LYRM4: variants seen among roughly 807,000 people sequenced by gnomAD.
LYRM4 encodes LYR motif-containing protein 4.
In LYRM4, 9 loss-of-function variants were observed where a neutral mutation model predicts 11.7. That is an observed-to-expected ratio of 0.77 (90% CI 0.46 to 1.34). The LOEUF is 1.34. Among genes scored for constraint, LYRM4 ranks in the 40% most tolerant of loss-of-function variants. The probability of loss-of-function intolerance (pLI) is 0.00; values close to 1 mark genes in which losing one functional copy is unlikely to be tolerated. For missense variants in LYRM4, 133 were observed against 112.5 expected (o/e 1.18, Z -0.82); for synonymous variants, 42 against 40.4 (o/e 1.04, Z -0.15).
At chr6:5,063,954 C>T in the LYRM4 span, among the ~76,000 whole-genome samples, 1 of 152,204 alleles carries the variant, frequency 6.6e-6, no homozygotes. Context: ...AGGCCAGGGG[C>T]AGTGGCTCCG....
At chr6:5,197,287 G>C (rs955699287) in intron 2 of LYRM4, among the ~76,000 whole-genome samples, 2 of 152,224 alleles carry the variant, frequency 1.3e-5, no homozygotes, top group East Asian at 1.9e-4. Flanking sequence ...TGAAGGGGGG[G>C]GCCAAGTGCC....
chr6:5,132,245 C>T (rs1332589703), intron 2 of LYRM4, among the ~76,000 whole-genome samples: 1 of 152,124 alleles, frequency 6.6e-6, no homozygotes, highest in Non-Finnish European at 1.5e-5. Flanking sequence ...AGTTTCTCAC[C>T]GTTTTTACCC....
At chr6:5,205,021 T>C (rs1761611004) in intron 2 of LYRM4, among the ~76,000 whole-genome samples, 1 of 152,168 alleles carries the variant, frequency 6.6e-6, no homozygotes. Context: ...CTTATTATAT[T>C]AGGCATTAAT....
the LYRM4 span, among the ~76,000 whole-genome samples, chr6:5,057,304 C>G: frequency 6.6e-6 from 1 of 152,148 alleles, no homozygotes; most frequent in South Asian, 2.1e-4. Context: ...GAAGGGGGAG[C>G]TCAAGGCCTT....
intron 2 of LYRM4, among the ~76,000 whole-genome samples, chr6:5,172,556 C>T (rs1396551078): frequency 1.3e-5 from 2 of 152,118 alleles, no homozygotes; most frequent in Non-Finnish European, 2.9e-5. Context: ...CGTGTTCTCA[C>T]ATCCTGGACC....
intron 1 of LYRM4, among the ~76,000 whole-genome samples, chr6:5,242,551 A>G (rs888187386): frequency 1.3e-5 from 2 of 150,610 alleles, no homozygotes; most frequent in African/African-American, 4.9e-5. Context: ...AAAACCCCCA[A>G]CTCTATTAAA....
At chr6:5,086,756 C>T in the LYRM4 span, 4 of 591,844 alleles carry the variant, frequency 6.8e-6, no homozygotes, top group Non-Finnish European at 1.2e-5. Flanking sequence ...TTAGAGAGCC[C>T]GGGCAATGCT....
rs187734468 is a variant in LYRM4 at position 5,223,001 on chromosome 6, G to C, written c.87-6263C>G. The stretch of plus-strand genomic sequence containing the variant: ...TGCATGGGTAATTAAATTTATAATG[G>C]AAGGAAATGTCCCAGAAGTGATTAT... On this transcript the variant is annotated intron_variant, in intron 1 of 2. Coordinates refer to ENST00000330636, the MANE Select transcript of LYRM4 (RefSeq NM_020408.6). Among the ~76,000 whole-genome samples the C allele has an allele frequency of 3.3e-5, 5 of 152,266 alleles. No homozygotes were observed. In the East Asian group the frequency reaches 9.6e-4, roughly 29 times the overall value.
intron 2 of LYRM4, among the ~76,000 whole-genome samples, chr6:5,167,673 A>G (rs558698382): frequency 2.0e-5 from 3 of 152,276 alleles, no homozygotes; most frequent in Non-Finnish European, 4.4e-5. Context: ...TTCACACACA[A>G]ACAATGCTGA....
rs151065545 is a variant in LYRM4 at position 5,125,259 on chromosome 6, G to A, written c.208-15768C>T. 6.5e-3 allele frequency among the ~76,000 whole-genome samples: 996 copies of A among 152,226 alleles called. 1 individual carries two copies. Among genetic ancestry groups the A allele is most frequent in the Middle Eastern group, 0.024 (7 of 294 alleles). On this transcript the variant is annotated intron_variant, in intron 2 of 2. Coordinates refer to ENST00000330636, the MANE Select transcript of LYRM4 (RefSeq NM_020408.6). The stretch of plus-strand genomic sequence containing the variant: ...GGTTTCTAGGATGGCTCACTCCTAC[G>A]GAATCCTCATTCCCTGGCTGGGTGC...
chr6:5,153,958 T>C (rs987545073), intron 2 of LYRM4, among the ~76,000 whole-genome samples: 4 of 152,146 alleles, frequency 2.6e-5, no homozygotes, highest in African/African-American at 9.7e-5. Context: ...ATATATGGAA[T>C]GCTCTGATTG....
At chr6:5,074,570 G>T in the LYRM4 span, among the ~76,000 whole-genome samples, 1,024 of 151,876 alleles carry the variant, frequency 6.7e-3, 16 homozygotes, top group African/African-American at 0.023. Context: ...CTGTGACTGG[G>T]TTGTGGCAAT....
At chr6:5,198,925 C>A (rs1761227051) in intron 2 of LYRM4, among the ~76,000 whole-genome samples, 1 of 152,122 alleles carries the variant, frequency 6.6e-6, no homozygotes, top group Non-Finnish European at 1.5e-5. Flanking sequence ...AAGAATGGGG[C>A]AAAATTAGAA....
At chr6:5,179,207 T>C (rs1346790008) in intron 2 of LYRM4, among the ~76,000 whole-genome samples, 1 of 152,208 alleles carries the variant, frequency 6.6e-6, no homozygotes, top group Non-Finnish European at 1.5e-5. Flanking sequence ...AAAGCCCTTT[T>C]CCAGAAGGAC....
At chr6:5,059,796 T>C in the LYRM4 span, among the ~76,000 whole-genome samples, 1 of 150,602 alleles carries the variant, frequency 6.6e-6, no homozygotes, top group African/African-American at 2.4e-5. Flanking sequence ...CTCCTGTTAA[T>C]CTGCCTTTTT....
At chr6:5,206,098 T>C (rs564671430) in intron 2 of LYRM4, among the ~76,000 whole-genome samples, 101 of 152,324 alleles carry the variant, frequency 6.6e-4, no homozygotes, top group African/African-American at 2.3e-3. Context: ...TTTCCCTTTA[T>C]AGTCAGTTCA....
intron 2 of LYRM4, among the ~76,000 whole-genome samples, chr6:5,159,717 C>A (rs929100432): frequency 1.2e-4 from 18 of 152,184 alleles, no homozygotes; most frequent in African/African-American, 4.3e-4. Flanking sequence ...CTATCTTTTA[C>A]AATCTACCTC....
chr6:5,061,697 C>G, the LYRM4 span, among the ~76,000 whole-genome samples: 24 of 152,298 alleles, frequency 1.6e-4, no homozygotes, highest in South Asian at 1.7e-3. Context: ...CCCAGAGACT[C>G]TGGCAACAGG....
chr6:5,240,987 T>C (rs891338301), intron 1 of LYRM4, among the ~76,000 whole-genome samples: 1 of 152,228 alleles, frequency 6.6e-6, no homozygotes, highest in Admixed American at 6.5e-5. Flanking sequence ...GGGAAAAACG[T>C]TGGCTTTGGA....
Sources: gnomAD v4.1 joint callset for allele counts (sites outside exome capture counted in the v4.1 genomes callset) on GRCh38, gnomAD v4.1.1 for gene constraint, MANE v1.5 for transcripts, NCBI Gene and HGNC (gene_info 2026-07-23, HGNC 2026-07-21) for gene names.